Variants in ITGB8 observed in about 807,000 individuals in gnomAD.
ITGB8 encodes the protein integrin subunit beta 8.
ITGB8 carries 30 observed loss-of-function variants against 89.5 expected under a neutral mutation model. The observed-to-expected ratio is 0.34, with a 90% CI of 0.25 to 0.45. ITGB8 has a LOEUF of 0.45. Among genes scored for constraint, ITGB8 ranks in the 20% least tolerant of loss-of-function variants. The pLI is 1.00. For missense variants in ITGB8, 836 were observed against 933.3 expected, an observed-to-expected ratio of 0.90 and a Z score of 1.36; for synonymous variants, 335 against 320.4, an observed-to-expected ratio of 1.05 and a Z score of -0.49.
At chr7:20,386,422 T>TC (rs1172495698) in intron 6 of ITGB8, among the ~76,000 whole-genome samples, 1 of 147,290 alleles carries the variant, frequency 6.8e-6, no homozygotes, top group Non-Finnish European at 1.5e-5. Context: ...TTTTTTTTTT[T>TC]TTTTTTTTGG....
At chr7:20,337,400 G>C (rs1024237192) in intron 1 of ITGB8, among the ~76,000 whole-genome samples, 1 of 152,068 alleles carries the variant, frequency 6.6e-6, no homozygotes, top group African/African-American at 2.4e-5. Flanking sequence ...CTTTCTTAAA[G>C]CACATACAGC....
rs1787799836 is a variant in ITGB8, at chr7:20,412,525, T to G, written c.*2528T>G. 1 of 152,632 alleles carries G rather than the reference T, an allele frequency of 6.6e-6. No individual in the cohort carries two copies. The highest frequency in any genetic ancestry group is 1.5e-5 in the Non-Finnish European group (1 of 68,024). The allele number at this position is 152,632 out of a possible 1,614,324, so 9.5% of individuals were successfully genotyped here. A position where few individuals can be genotyped will look rare whatever the true frequency, so the allele number is the denominator to read the frequency against. On this transcript the variant is annotated 3_prime_UTR_variant, in exon 14 of 14. Transcript: ENST00000222573. ...AAAAGAGTATAACAAAATGAAATCCTTAAAAATCCAGAGTTTATATTTTTT... is the reference window on the plus strand; with the variant it reads ...AAAAGAGTATAACAAAATGAAATCCGTAAAAATCCAGAGTTTATATTTTTT...
upstream of ITGB8, chr7:20,330,741 A>C (rs985689620): frequency 1.3e-5 from 2 of 152,184 alleles, no homozygotes; most frequent in East Asian, 3.9e-4. Flanking sequence ...AGCCGAGGCG[A>C]GGCGCTCCGG....
chr7:20,343,207 G>C (rs1583469281), intron 1 of ITGB8, among the ~76,000 whole-genome samples: 1 of 152,210 alleles, frequency 6.6e-6, no homozygotes, highest in Non-Finnish European at 1.5e-5. Flanking sequence ...GAACAGCTTT[G>C]CTGCCGTTTG....
At chr7:20,338,933 C>A (rs368347257) in intron 1 of ITGB8, among the ~76,000 whole-genome samples, 2 of 152,100 alleles carry the variant, frequency 1.3e-5, no homozygotes, top group East Asian at 3.9e-4. Flanking sequence ...GTGGCTCACA[C>A]CTGTAATCCC....
chr7:20,360,489 C>G (rs1350129278), intron 1 of ITGB8, among the ~76,000 whole-genome samples: 1 of 151,908 alleles, frequency 6.6e-6, no homozygotes, highest in Non-Finnish European at 1.5e-5. Flanking sequence ...TTTTTCATCC[C>G]TCAGCCCTCT....
At chr7:20,348,614 G>T (rs1275722150) in intron 1 of ITGB8, among the ~76,000 whole-genome samples, 1 of 152,230 alleles carries the variant, frequency 6.6e-6, no homozygotes, top group African/African-American at 2.4e-5. Flanking sequence ...GTCCATGGTG[G>T]AGGTAGTGAG....
intron 1 of ITGB8, among the ~76,000 whole-genome samples, chr7:20,362,562 A>G (rs1303231448): frequency 6.6e-6 from 1 of 152,166 alleles, no homozygotes; most frequent in Non-Finnish European, 1.5e-5. Flanking sequence ...CTGTTCTTCT[A>G]GCACTTTGGT....
intron 6 of ITGB8, among the ~76,000 whole-genome samples, chr7:20,383,016 A>G (rs1472263440): frequency 6.6e-6 from 1 of 152,210 alleles, no homozygotes; most frequent in Non-Finnish European, 1.5e-5. Context: ...GAAGATTTAA[A>G]TTATTTCCTG....
At chr7:20,351,853 G>A (rs148930284) in intron 1 of ITGB8, among the ~76,000 whole-genome samples, 1 of 149,548 alleles carries the variant, frequency 6.7e-6, no homozygotes, top group African/African-American at 2.5e-5. Flanking sequence ...CTTAACCATG[G>A]CATTTGAAGT....
chr7:20,391,524 A>ATTAAAT, intron 7 of ITGB8, 26 bp downstream of exon 7: 1 of 1,309,548 alleles, frequency 7.6e-7, no homozygotes, highest in Non-Finnish European at 1.1e-6. Context: ...AAATGTTAAA[A>ATTAAAT]TTAAATTTTT....
chr7:20,338,560 G>A (rs911021459), intron 1 of ITGB8, among the ~76,000 whole-genome samples: 5 of 152,150 alleles, frequency 3.3e-5, no homozygotes, highest in Non-Finnish European at 1.5e-5. Flanking sequence ...TAGATCTCAG[G>A]AGGTTGCAGT....
At chr7:20,404,205 A>G (rs1209514534) in intron 10 of ITGB8, among the ~76,000 whole-genome samples, 1 of 152,256 alleles carries the variant, frequency 6.6e-6, no homozygotes, top group African/African-American at 2.4e-5. Context: ...GGCCTTCAGC[A>G]ACATCAGAAG....
At chr7:20,380,989 T>C in intron 5 of ITGB8, 158 bp downstream of exon 5, 1 of 624,498 alleles carries the variant, frequency 1.6e-6, no homozygotes, top group East Asian at 2.8e-5. Flanking sequence ...CATTTCGGTA[T>C]GTGTTTGGGA....
chr7:20,377,752 G>T (rs1406684182), intron 3 of ITGB8, among the ~76,000 whole-genome samples: 2 of 152,132 alleles, frequency 1.3e-5, no homozygotes, highest in African/African-American at 2.4e-5. Context: ...TAAAGGGGTT[G>T]CCTGCACAGA....
intron 8 of ITGB8, among the ~76,000 whole-genome samples, chr7:20,398,218 G>A (rs907081154): frequency 6.6e-6 from 1 of 152,144 alleles, no homozygotes; most frequent in African/African-American, 2.4e-5. Flanking sequence ...TGGTATTAAG[G>A]ATTGCAGCAA....
At chr7:20,390,434 G>C (rs1786808326) in intron 6 of ITGB8, among the ~76,000 whole-genome samples, 1 of 151,982 alleles carries the variant, frequency 6.6e-6, no homozygotes, top group Admixed American at 6.6e-5. Context: ...TATAACTCTA[G>C]ATAGTCATTT....
At chr7:20,332,513 T>C (rs776948315) in intron 1 of ITGB8, among the ~76,000 whole-genome samples, 2 of 152,048 alleles carry the variant, frequency 1.3e-5, no homozygotes, top group Non-Finnish European at 2.9e-5. Context: ...AAATACTATC[T>C]AATTGATCCC....
chr7:20,396,171 G>A (rs947622782), intron 8 of ITGB8, among the ~76,000 whole-genome samples: 20 of 152,290 alleles, frequency 1.3e-4, no homozygotes, highest in Non-Finnish European at 2.1e-4. Flanking sequence ...GGGCGCGGTG[G>A]TTCATGCCTG....
Sources: gnomAD v4.1 joint callset for allele counts (sites outside exome capture counted in the v4.1 genomes callset) on GRCh38, gnomAD v4.1.1 for gene constraint, MANE v1.5 for transcripts, NCBI Gene and HGNC (gene_info 2026-07-23, HGNC 2026-07-21) for gene names.